The following SCFD2 variants were observed in gnomAD, a reference collection of about 807,000 sequenced individuals.
SCFD2 encodes sec1 family domain-containing protein 2.
A neutral mutation model predicts 58.9 loss-of-function variants in SCFD2; 54 were observed. That is an observed-to-expected ratio of 0.92 (90% CI 0.74 to 1.15). The LOEUF is 1.15. SCFD2 is among the 50% of genes most tolerant of loss of function. The pLI is 0.00. For missense variants in SCFD2, 805 were observed against 836.6 expected (o/e 0.96, Z 0.47); for synonymous variants, 321 against 335.9 (o/e 0.96, Z 0.49).
At chr4:53,095,256 TTCTTCCCTTAAAAACCGGC>T in intron 5 of SCFD2, among the ~76,000 whole-genome samples, 1 of 152,110 alleles carries the variant, frequency 6.6e-6, no homozygotes, top group East Asian at 1.9e-4. Flanking sequence ...TGAACTTATG[TTCTTCCCTTAAAAACCGGC>T]TCACACATAG....
At chr4:53,154,912 C>T (rs1207348902) in intron 4 of SCFD2, among the ~76,000 whole-genome samples, 1 of 152,144 alleles carries the variant, frequency 6.6e-6, no homozygotes, top group Non-Finnish European at 1.5e-5. Flanking sequence ...AGGCCATGAG[C>T]CATGGAATGC....
chr4:53,024,897 A>G (rs1722435333), intron 5 of SCFD2, among the ~76,000 whole-genome samples: 1 of 152,172 alleles, frequency 6.6e-6, no homozygotes, highest in Admixed American at 6.5e-5. Context: ...GAAGACATTG[A>G]CACAGCTTCT....
chr4:53,139,738 T>C (rs1726068708), intron 5 of SCFD2, among the ~76,000 whole-genome samples: 1 of 152,254 alleles, frequency 6.6e-6, no homozygotes. Context: ...CAGGCCATGA[T>C]GACGATGGTG....
chr4:53,207,901 C>A (rs1488187709), intron 4 of SCFD2, among the ~76,000 whole-genome samples: 1 of 151,204 alleles, frequency 6.6e-6, no homozygotes. Context: ...GCCAATTAAA[C>A]CTCTTTTCTT....
At chr4:53,335,367 T>C (rs1335133118) in intron 2 of SCFD2, among the ~76,000 whole-genome samples, 3 of 152,114 alleles carry the variant, frequency 2.0e-5, no homozygotes, top group Admixed American at 6.5e-5. Flanking sequence ...CTTCAAAACT[T>C]TTGAGATCAT....
At chr4:53,104,563 T>C (rs916435419) in intron 5 of SCFD2, among the ~76,000 whole-genome samples, 9 of 152,226 alleles carry the variant, frequency 5.9e-5, no homozygotes, top group African/African-American at 1.4e-4. Flanking sequence ...GTCCACACTT[T>C]AGTTAATAAT....
intron 5 of SCFD2, chr4:52,948,578 C>T (rs758912697): frequency 6.6e-6 from 3 of 454,808 alleles, no homozygotes; most frequent in Non-Finnish European, 1.3e-5. Flanking sequence ...TATTCTGTTC[C>T]TAGTGGGGAC....
chr4:53,034,905 T>C (rs1030269981), intron 5 of SCFD2, among the ~76,000 whole-genome samples: 3 of 152,224 alleles, frequency 2.0e-5, no homozygotes, highest in Admixed American at 6.5e-5. Context: ...CTGCCCAAAG[T>C]AATTTATACA....
chr4:53,329,538 T>C (rs978904662), intron 2 of SCFD2, among the ~76,000 whole-genome samples: 8 of 149,098 alleles, frequency 5.4e-5, no homozygotes, highest in African/African-American at 2.0e-4. Flanking sequence ...GAGGGTCCTG[T>C]CTGTTAGAAG....
chr4:53,183,308 A>T (rs1411645253), intron 4 of SCFD2, among the ~76,000 whole-genome samples: 7 of 152,200 alleles, frequency 4.6e-5, no homozygotes, highest in Non-Finnish European at 1.0e-4. Flanking sequence ...TATACCATGG[A>T]ATACTATGCA....
chr4:53,266,342 T>A (rs1048028753), intron 4 of SCFD2, among the ~76,000 whole-genome samples: 1 of 152,230 alleles, frequency 6.6e-6, no homozygotes, highest in South Asian at 2.1e-4. Context: ...TACTTAGTTA[T>A]GTATTAATAC....
intron 4 of SCFD2, among the ~76,000 whole-genome samples, chr4:53,248,908 C>T (rs1374257283): frequency 6.6e-6 from 1 of 152,228 alleles, no homozygotes; most frequent in African/African-American, 2.4e-5. Context: ...CTCTCCTCCT[C>T]CAAAGGAACG....
chr4:53,355,886 C>T (rs28488325), intron 1 of SCFD2, among the ~76,000 whole-genome samples: 65 of 152,300 alleles, frequency 4.3e-4, no homozygotes, highest in African/African-American at 1.4e-3. Flanking sequence ...TCCCTTCTTT[C>T]GGCCTCTGTT....
intron 3 of SCFD2, among the ~76,000 whole-genome samples, chr4:53,299,014 C>A (rs1732161822): frequency 6.6e-6 from 1 of 152,036 alleles, no homozygotes; most frequent in East Asian, 1.9e-4. Context: ...GCAGAAAAAA[C>A]AGAAACTCTA....
intron 4 of SCFD2, among the ~76,000 whole-genome samples, chr4:53,267,520 T>C (rs1040244063): frequency 3.9e-5 from 6 of 152,352 alleles, no homozygotes; most frequent in African/African-American, 1.4e-4. Flanking sequence ...TATGCAATTA[T>C]GATAAAAGTA....
At chr4:53,330,589 A>T (rs1019619761) in intron 2 of SCFD2, among the ~76,000 whole-genome samples, 1 of 152,180 alleles carries the variant, frequency 6.6e-6, no homozygotes, top group African/African-American at 2.4e-5. Context: ...AGAGCTCCTG[A>T]AGGAAGCGCT....
intron 2 of SCFD2, among the ~76,000 whole-genome samples, chr4:53,344,137 T>C (rs1733979132): frequency 6.6e-6 from 1 of 151,584 alleles, no homozygotes; most frequent in Non-Finnish European, 1.5e-5. Context: ...GATATTCAAT[T>C]AGGAAAAAAG....
chr4:53,122,486 CAAGA>C (rs1009030517), intron 5 of SCFD2, among the ~76,000 whole-genome samples: 8 of 152,238 alleles, frequency 5.3e-5, no homozygotes, highest in African/African-American at 1.9e-4. Context: ...CCTATCCTGC[CAAGA>C]ACTTCAGCCA....
chr4:53,132,828 G>A (rs1165917464), intron 5 of SCFD2, among the ~76,000 whole-genome samples: 4 of 152,160 alleles, frequency 2.6e-5, no homozygotes, highest in Non-Finnish European at 5.9e-5. Flanking sequence ...AGGTTTAAGG[G>A]ACAATTTTTC....
Sources: gnomAD v4.1 joint callset for allele counts (sites outside exome capture counted in the v4.1 genomes callset) on GRCh38, gnomAD v4.1.1 for gene constraint, MANE v1.5 for transcripts, NCBI Gene and HGNC (gene_info 2026-07-23, HGNC 2026-07-21) for gene names.